Variants in HRH1 observed in about 807,000 individuals in gnomAD.
The protein encoded by HRH1 is histamine receptor H1.
In HRH1, 6 loss-of-function variants were observed where a neutral mutation model predicts 10.3. That is an observed-to-expected ratio of 0.58 (90% CI 0.32 to 1.15). The LOEUF (loss-of-function observed/expected upper bound fraction) is 1.15. Among genes scored for constraint, HRH1 ranks in the 50% most tolerant of loss-of-function variants. The pLI is 0.05. For synonymous variants in HRH1, 242 were observed against 236.7 expected (o/e 1.02, Z -0.21); for missense variants, 514 against 615.3 (o/e 0.84, Z 1.74).
At chr3:11,213,179 A>G (rs750936658) in intron 1 of HRH1, among the ~76,000 whole-genome samples, 4 of 152,204 alleles carry the variant, frequency 2.6e-5, no homozygotes, top group Non-Finnish European at 5.9e-5. Context: ...CTAGAATGGT[A>G]GCTCCTTGTG....
chr3:11,222,036 G>A (rs565812086), intron 1 of HRH1, among the ~76,000 whole-genome samples: 1 of 152,300 alleles, frequency 6.6e-6, no homozygotes, highest in East Asian at 1.9e-4. Flanking sequence ...TGGTTATTGT[G>A]AATAATGCTG....
At position 11,249,833 on chromosome 3, in the gene HRH1, C is replaced by G. The variant is rs139355687; in HGVS notation, c.-35-9170C>G. On this transcript the variant is annotated intron_variant, in intron 1 of 1. Coordinates refer to ENST00000431010, the MANE Select transcript of HRH1 (RefSeq NM_001098212.2). ...CTAATTGATCCCGGTTAACAGATTT[C>G]CAGTCTGAGGAGAGCCAGGAAGGAC... Among the ~76,000 whole-genome samples the G allele has an allele frequency of 1.1e-3, 162 of 152,208 alleles. 1 individual carries two copies. The highest frequency in any genetic ancestry group is 3.6e-3 in the African/African-American group (151 of 41,534).
intron 1 of HRH1, among the ~76,000 whole-genome samples, chr3:11,229,745 G>A (rs932268200): frequency 1.3e-5 from 2 of 152,022 alleles, no homozygotes; most frequent in African/African-American, 4.8e-5. Context: ...TTGTCATCTT[G>A]TTTATGCCTA....
intron 1 of HRH1, among the ~76,000 whole-genome samples, chr3:11,139,050 C>T (rs1485648751): frequency 7.5e-5 from 11 of 146,890 alleles, no homozygotes; most frequent in Admixed American, 4.8e-4. Context: ...TGCAATGGTG[C>T]GATCTCGGCT....
At chr3:11,223,214 C>T in intron 1 of HRH1, among the ~76,000 whole-genome samples, 1 of 107,922 alleles carries the variant, frequency 9.3e-6, no homozygotes, top group Non-Finnish European at 2.0e-5. Flanking sequence ...AAAAAAAAGT[C>T]CAGGCACAGT....
intron 1 of HRH1, among the ~76,000 whole-genome samples, chr3:11,187,953 C>G (rs111431613): frequency 1.4e-4 from 21 of 152,196 alleles, no homozygotes; most frequent in African/African-American, 5.1e-4. Context: ...TCTCATTTTT[C>G]CTGTTATTAA....
At position 11,259,268 on chromosome 3, in the gene HRH1, T is replaced by G. The variant is rs1212190007; in HGVS notation, c.231T>G (p.Gly77=). 1 of 1,602,986 alleles carries G rather than the reference T, an allele frequency of 6.2e-7. No homozygotes were observed. ...VSLSVADLIV[G]AVVMPMNILY... is the part of the protein sequence containing the mutation. ...TCTCGGTGGCGGACTTGATCGTGGG[T>G]GCCGTCGTCATGCCTATGAACATCC... is the stretch of plus-strand genomic sequence containing the variant. The change falls in exon 2 of 2, where the codon GGT becomes GGG. Residue 77 remains glycine (G), a synonymous_variant. Coordinates refer to ENST00000431010, the MANE Select transcript of HRH1 (RefSeq NM_001098212.2). This position sits in a 1 kb window ranked among gnomAD's most constrained non-coding sequence, Gnocchi z 4.6.
chr3:11,220,677 C>T (rs971497194), intron 1 of HRH1, among the ~76,000 whole-genome samples: 1 of 152,162 alleles, frequency 6.6e-6, no homozygotes, highest in African/African-American at 2.4e-5. Context: ...CTTGTTTGCC[C>T]TCCTTTATCG....
intron 1 of HRH1, among the ~76,000 whole-genome samples, chr3:11,199,811 T>C (rs565193841): frequency 6.6e-6 from 1 of 152,304 alleles, no homozygotes; most frequent in South Asian, 2.1e-4. Flanking sequence ...ATGAGGAACC[T>C]GAGAAATGGT....
chr3:11,201,225 C>T (rs1010878611), intron 1 of HRH1, among the ~76,000 whole-genome samples: 2 of 152,222 alleles, frequency 1.3e-5, no homozygotes, highest in African/African-American at 4.8e-5. Flanking sequence ...AAACCAATTG[C>T]CCTACGGCCA....
rs1312077957 is a variant in HRH1 at position 11,260,589 on chromosome 3, C to A, written c.*88C>A. On this transcript the variant is annotated 3_prime_UTR_variant, in exon 2 of 2. Transcript: ENST00000431010. ...GAAGGCCTGTGTGTTGCCAGGCAGG[C>A]ACCTGGGCTTTCTGGAATCCAAACC... 2.3e-6 allele frequency: 3 copies of A among 1,284,606 alleles called. No individual in the cohort carries two copies. Among genetic ancestry groups the A allele is most frequent in the African/African-American group, 1.5e-5 (1 of 67,060 alleles). 79.6% of individuals were successfully genotyped at this position (1,284,606 alleles called of 1,614,324 possible).
At position 11,218,726 on chromosome 3, in the gene HRH1, C is replaced by T. The variant is rs117016298; in HGVS notation, c.-35-40277C>T. Among the ~76,000 whole-genome samples, 157 of 150,682 alleles carry T rather than the reference C, an allele frequency of 1.0e-3. 3 individuals carry two copies. The highest frequency in any genetic ancestry group is 7.4e-3 in the East Asian group (37 of 4,988). Reference sequence around the variant, plus strand: ...GAGTAGCTGGGATTATAGCGTGGGCCACCACGCCCAGCTAATTTTTTGTAT... The same window carrying T: ...GAGTAGCTGGGATTATAGCGTGGGCTACCACGCCCAGCTAATTTTTTGTAT... On this transcript the variant is annotated intron_variant, in intron 1 of 1. Coordinates refer to ENST00000431010, the MANE Select transcript of HRH1 (RefSeq NM_001098212.2).
intron 1 of HRH1, among the ~76,000 whole-genome samples, chr3:11,175,989 T>G (rs901475164): frequency 4.0e-5 from 6 of 151,526 alleles, no homozygotes; most frequent in African/African-American, 1.5e-4. Context: ...CAAAACCCTG[T>G]CTCTCCAAAA....
At chr3:11,144,092 A>G (rs1224606331) in intron 1 of HRH1, among the ~76,000 whole-genome samples, 1 of 152,122 alleles carries the variant, frequency 6.6e-6, no homozygotes, top group Non-Finnish European at 1.5e-5. Flanking sequence ...CCACTTACAC[A>G]GTGTTGGTGG....
At position 11,256,671 on chromosome 3, in the gene HRH1, C is replaced by T. The variant is rs183431169; in HGVS notation, c.-35-2332C>T. On this transcript the variant is annotated intron_variant, in intron 1 of 1. Coordinates refer to ENST00000431010, the MANE Select transcript of HRH1 (RefSeq NM_001098212.2). ...AAAATTAGCTGGGCGTGGTGGTGGG[C>T]GCATGTAATCCCAGCTACTCAGGAG... Among the ~76,000 whole-genome samples, 101 of 149,914 alleles carry T rather than the reference C, an allele frequency of 6.7e-4. 1 individual carries two copies. In the East Asian group the frequency reaches 0.018, roughly 27 times the overall value.
chr3:11,227,239 G>A (rs962797634), intron 1 of HRH1, among the ~76,000 whole-genome samples: 1 of 151,908 alleles, frequency 6.6e-6, no homozygotes, highest in Non-Finnish European at 1.5e-5. Flanking sequence ...GCATGGAACC[G>A]TAGTGGTTGG....
At chr3:11,150,747 TTCCTCTCCCC>T (rs1936591837), upstream of HRH1, among the ~76,000 whole-genome samples, 1 of 152,212 alleles carries the variant, frequency 6.6e-6, no homozygotes, top group Non-Finnish European at 1.5e-5. Flanking sequence ...TCCCCAGGCC[TTCCTCTCCCC>T]GGGCCTTCCT....
At chr3:11,224,657 G>A (rs530952531) in intron 1 of HRH1, among the ~76,000 whole-genome samples, 24 of 149,940 alleles carry the variant, frequency 1.6e-4, no homozygotes, top group African/African-American at 4.9e-4. Context: ...CCGAGTATGC[G>A]CCACTGCACT....
chr3:11,249,631 T>G (rs937365546), intron 1 of HRH1, among the ~76,000 whole-genome samples: 2 of 152,302 alleles, frequency 1.3e-5, no homozygotes, highest in East Asian at 1.9e-4. Flanking sequence ...GGAGGAGTAC[T>G]CCCTTTAGTG....
Sources: allele counts gnomAD v4.1 joint callset (sites outside exome capture counted in the v4.1 genomes callset), GRCh38; gene constraint gnomAD v4.1.1; non-coding constraint Gnocchi (gnomAD v3.1); transcripts MANE v1.5; gene names NCBI Gene and HGNC (gene_info 2026-07-23, HGNC 2026-07-21).